The following SESTD1 variants were observed in gnomAD, a reference collection of about 807,000 sequenced individuals.
SESTD1 encodes SEC14 domain and spectrin repeat-containing protein 1.
In SESTD1, 43 loss-of-function variants were observed where a neutral mutation model predicts 101.7. The ratio of observed to expected loss-of-function variants is 0.42; its 90% CI spans 0.33 to 0.55. The LOEUF is 0.55. Among genes scored for constraint, SESTD1 ranks in the 20% least tolerant of loss-of-function variants. The pLI, the probability that SESTD1 is intolerant of heterozygous loss-of-function variation, is 0.07. For synonymous variants in SESTD1, 283 were observed against 286.8 expected (o/e 0.99, Z 0.13); for missense variants, 647 against 815.1 (o/e 0.79, Z 2.51).
At chr2:179,142,246 T>C (rs765674880) in intron 9 of SESTD1, among the ~76,000 whole-genome samples, 6 of 152,358 alleles carry the variant, frequency 3.9e-5, no homozygotes, top group South Asian at 2.1e-4. Context: ...AAAGTCTAAA[T>C]GTCTGGAATT....
At chr2:179,112,167 A>G (rs796964721) in intron 17 of SESTD1, among the ~76,000 whole-genome samples, 32 of 152,318 alleles carry the variant, frequency 2.1e-4, no homozygotes, top group African/African-American at 6.5e-4. Flanking sequence ...AACACAGTAC[A>G]AAGGGAATGG....
At chr2:179,112,927 A>T (rs2044543044) in intron 16 of SESTD1, 82 bp from the exon 17 acceptor site, 3 of 1,462,068 alleles carry the variant, frequency 2.1e-6, no homozygotes, top group Admixed American at 2.5e-5. Context: ...CCCACAAAAA[A>T]AAAGAGAGAA....
chr2:179,204,881 G>GA lies in SESTD1; in HGVS notation c.-25-13016dup, dbSNP rs1161568075. On this transcript the variant is annotated intron_variant, in intron 1 of 17. Coordinates refer to ENST00000428443, the MANE Select transcript of SESTD1 (RefSeq NM_178123.5). The stretch of plus-strand genomic sequence containing the variant: ...CAGTTGTCTATGGGATGTTCCCCCA[G>GA]AAAAAAAAAAAATTCAACCTTGAGG... Among the ~76,000 whole-genome samples, 125 of 121,738 alleles carry GA rather than the reference G, an allele frequency of 1.0e-3. 15 individuals carry two copies. The highest frequency in any genetic ancestry group is 1.3e-3 in the South Asian group (4 of 3,200). 79.9% of individuals were successfully genotyped at this position (121,738 alleles called of 152,430 possible). A position where few individuals can be genotyped will look rare whatever the true frequency, so the allele number is the denominator to read the frequency against.
chr2:179,153,890 G>A (rs1401356661), intron 5 of SESTD1, among the ~76,000 whole-genome samples: 2 of 152,024 alleles, frequency 1.3e-5, no homozygotes, highest in Non-Finnish European at 2.9e-5. Flanking sequence ...AAATCAATGA[G>A]TGCATACTGA....
At chr2:179,260,267 C>A (rs1236746569) in intron 1 of SESTD1, among the ~76,000 whole-genome samples, 1 of 152,096 alleles carries the variant, frequency 6.6e-6, no homozygotes, top group Non-Finnish European at 1.5e-5. Context: ...TGCAATGGCT[C>A]ATGTTAAGAA....
At chr2:179,251,869 T>C (rs2047322243) in intron 1 of SESTD1, among the ~76,000 whole-genome samples, 9 of 152,156 alleles carry the variant, frequency 5.9e-5, no homozygotes, top group Admixed American at 5.9e-4. Context: ...GGATCCTAGA[T>C]TTCCCAGCCT....
rs556562080 is a variant in SESTD1 at position 179,140,414 on chromosome 2, C to A, written c.849+3178G>T. Reference sequence around the variant, plus strand: ...GACACAGACACATACAGAGAGAAGACAATGTGAAGACAGGCAGAAGATGGC... The same window carrying A: ...GACACAGACACATACAGAGAGAAGAAAATGTGAAGACAGGCAGAAGATGGC... On this transcript the variant is annotated intron_variant, in intron 9 of 17. Transcript: ENST00000428443. Among the ~76,000 whole-genome samples, 18 of 152,108 alleles carry A rather than the reference C, an allele frequency of 1.2e-4. No homozygotes were observed. The South Asian group carries it at 3.3e-3, about 28-fold the overall frequency.
At chr2:179,264,324 GC>G (rs1181806651) in intron 1 of SESTD1, 174 bp downstream of exon 1, 1 of 151,796 alleles carries the variant, frequency 6.6e-6, no homozygotes, top group Non-Finnish European at 1.5e-5. Context: ...AGAGGCGGTG[GC>G]GGGGCGGGGG....
intron 17 of SESTD1, among the ~76,000 whole-genome samples, chr2:179,111,105 G>T (rs1274105374): frequency 6.6e-6 from 1 of 152,056 alleles, no homozygotes; most frequent in African/African-American, 2.4e-5. Context: ...AATCAGGGAG[G>T]GTAAGGGATC....
In SESTD1 at chr2:179,183,203, A is replaced by G; in HGVS notation, c.56-15T>C. 6.5e-7 allele frequency: 1 copy of G among 1,540,642 alleles called. No individual in the cohort carries two copies. The highest frequency in any genetic ancestry group is 8.9e-7 in the Non-Finnish European group (1 of 1,118,822). On this transcript the variant is annotated splice_polypyrimidine_tract_variant and intron_variant, in intron 2 of 17. Coordinates refer to ENST00000428443, the MANE Select transcript of SESTD1 (RefSeq NM_178123.5). Reference sequence around the variant, plus strand: ...GTCTTTTCCTCCTATTAAAAAAGAGATTTAAATTTAACATGTAATACATAT... The same window carrying G: ...GTCTTTTCCTCCTATTAAAAAAGAGGTTTAAATTTAACATGTAATACATAT...
chr2:179,193,271 G>T (rs552684855), intron 1 of SESTD1, among the ~76,000 whole-genome samples: 41 of 152,250 alleles, frequency 2.7e-4, no homozygotes, highest in Admixed American at 1.3e-3. Context: ...ACAACCATTT[G>T]CATCTGTCTT....
At chr2:179,193,124 TA>T (rs2046342311) in intron 1 of SESTD1, among the ~76,000 whole-genome samples, 1 of 151,772 alleles carries the variant, frequency 6.6e-6, no homozygotes, top group Non-Finnish European at 1.5e-5. Context: ...AGGCAGTCTT[TA>T]AAAAACAAAC....
At chr2:179,229,405 C>T (rs1370505890) in intron 1 of SESTD1, among the ~76,000 whole-genome samples, 1 of 152,064 alleles carries the variant, frequency 6.6e-6, no homozygotes, top group East Asian at 1.9e-4. Flanking sequence ...TCCTAGTCCT[C>T]AGGCCTTCAG....
intron 3 of SESTD1, among the ~76,000 whole-genome samples, chr2:179,181,643 T>C (rs1006505999): frequency 2.0e-5 from 3 of 152,140 alleles, no homozygotes; most frequent in Admixed American, 1.3e-4. Context: ...AGGTGTGAGA[T>C]CTTGGGCAAG....
At chr2:179,228,958 A>G (rs2046932707) in intron 1 of SESTD1, among the ~76,000 whole-genome samples, 1 of 152,210 alleles carries the variant, frequency 6.6e-6, no homozygotes, top group African/African-American at 2.4e-5. Context: ...AAATTAAACT[A>G]AAATCATCCA....
chr2:179,244,905 A>C (rs889320834), intron 1 of SESTD1, among the ~76,000 whole-genome samples: 2 of 152,244 alleles, frequency 1.3e-5, no homozygotes, highest in African/African-American at 4.8e-5. Flanking sequence ...AGAGCCATAA[A>C]GGAGGTAAGA....
At chr2:179,243,090 T>C (rs1475017234) in intron 1 of SESTD1, among the ~76,000 whole-genome samples, 2 of 152,040 alleles carry the variant, frequency 1.3e-5, no homozygotes, top group Non-Finnish European at 1.5e-5. Flanking sequence ...ATAAGGAACT[T>C]AATCAATTCA....
intron 3 of SESTD1, among the ~76,000 whole-genome samples, chr2:179,177,696 C>T (rs1317699343): frequency 3.9e-5 from 6 of 152,140 alleles, no homozygotes; most frequent in Admixed American, 2.6e-4. Flanking sequence ...AAAGAGTATT[C>T]AAGAGGTAAG....
intron 1 of SESTD1, among the ~76,000 whole-genome samples, chr2:179,248,958 G>A (rs566444385): frequency 7.3e-5 from 11 of 151,486 alleles, no homozygotes. Context: ...GGGTGTGGTG[G>A]TGCCCACCTG....
Sources: gnomAD v4.1 joint callset for allele counts (sites outside exome capture counted in the v4.1 genomes callset) on GRCh38, gnomAD v4.1.1 for gene constraint, MANE v1.5 for transcripts, NCBI Gene and HGNC (gene_info 2026-07-23, HGNC 2026-07-21) for gene names.